The following CD5 variants were observed in gnomAD, a reference collection of about 807,000 sequenced individuals.
CD5 encodes CD5 molecule, also known as T-cell surface glycoprotein CD5.
In CD5, 36 loss-of-function variants were observed where a neutral mutation model predicts 60.3. That is an observed-to-expected ratio of 0.60 (90% CI 0.46 to 0.79). The LOEUF is 0.79. CD5 is among the 30% of genes least tolerant of loss of function. The pLI is 0.00. For missense variants in CD5, 540 were observed against 630.6 expected (o/e 0.86, Z 1.54); for synonymous variants, 230 against 257.6 (o/e 0.89, Z 1.03).
chr11:61,098,017 G>C (rs1860606043), upstream of CD5, among the ~76,000 whole-genome samples: 1 of 152,164 alleles, frequency 6.6e-6, no homozygotes, highest in Non-Finnish European at 1.5e-5. Context: ...ACTAATTGCT[G>C]TCTACACGTA....
upstream of CD5, among the ~76,000 whole-genome samples, chr11:61,100,138 C>T (rs1860644019): frequency 7.7e-6 from 1 of 130,452 alleles, no homozygotes; most frequent in African/African-American, 3.0e-5. Context: ...CACACATCAA[C>T]ATGGAGATCA....
intron 1 of CD5, among the ~76,000 whole-genome samples, chr11:61,103,731 AGTCTGTGTGTGAGTCTGTGTGTGAGT>A (rs1860736061): frequency 8.2e-6 from 1 of 122,514 alleles, no homozygotes; most frequent in African/African-American, 3.3e-5. Context: ...GGAATGTGTG[AGTCTGTGTGTGAGTCTGTGTGTGAGT>A]CTCTGGGCAT....
At chr11:61,098,789 T>C (rs903418274), upstream of CD5, among the ~76,000 whole-genome samples, 10 of 152,176 alleles carry the variant, frequency 6.6e-5, no homozygotes, top group Non-Finnish European at 1.2e-4. Flanking sequence ...ATAAACCCCT[T>C]CTTTCTTTAA....
intron 10 of CD5, among the ~76,000 whole-genome samples, 165 bp from the exon 11 acceptor site, chr11:61,126,123 G>A (rs182696400): frequency 6.6e-6 from 1 of 152,348 alleles, no homozygotes; most frequent in Non-Finnish European, 1.5e-5. Flanking sequence ...CCGTGATGGA[G>A]TCACACCCCT....
rs960055387 is a variant in CD5 at position 61,124,588 on chromosome 11, C to T, written c.1280-444C>T. Among the ~76,000 whole-genome samples, 8 of 152,264 alleles carry T rather than the reference C, an allele frequency of 5.3e-5. No homozygotes were observed. In the East Asian group the frequency reaches 9.6e-4, roughly 18 times the overall value. On this transcript the variant is annotated intron_variant, in intron 8 of 10. Coordinates refer to ENST00000347785, the MANE Select transcript of CD5 (RefSeq NM_014207.4). The stretch of plus-strand genomic sequence containing the variant: ...GAGACATGGCGCTCTTCCTGCCTCC[C>T]ATTCTGCCTTCTTCCCCCTTCCCAA...
At chr11:61,117,668 T>C (rs928648471) in intron 2 of CD5, among the ~76,000 whole-genome samples, 6 of 152,070 alleles carry the variant, frequency 3.9e-5, no homozygotes, top group African/African-American at 1.4e-4. Flanking sequence ...TTTGGTATTT[T>C]TTCTTTTTTT....
chr11:61,115,733 G>A (rs1860930052), intron 2 of CD5, among the ~76,000 whole-genome samples: 2 of 152,222 alleles, frequency 1.3e-5, no homozygotes, highest in Admixed American at 1.3e-4. Context: ...CATTGACTGG[G>A]ATAACATCGT....
chr11:61,111,965 T>C (rs1009996664), intron 1 of CD5, among the ~76,000 whole-genome samples: 1 of 152,186 alleles, frequency 6.6e-6, no homozygotes, highest in Non-Finnish European at 1.5e-5. Context: ...AATCGTGGCT[T>C]GGAGGCACAG....
At chr11:61,101,909 TCTACAC>T (rs751607086), upstream of CD5, among the ~76,000 whole-genome samples, 428 of 131,098 alleles carry the variant, frequency 3.3e-3, 1 homozygote, top group Non-Finnish European at 4.8e-3. Flanking sequence ...TCTCTCTCTC[TCTACAC>T]ACACACACAC....
Position 61,119,380 on chromosome 11 carries a change from C to A in CD5, c.610C>A (p.Leu204Ile). Residue 204 changes from leucine to isoleucine, a missense_variant, in exon 5 of 11, where the codon CTC (leucine) becomes ATC (isoleucine). By Grantham distance (5) the Leu-to-Ile change is conservative. Transcript: ENST00000347785. ...QDLENFLCNN[L>I]QCGSFLKHLP... Reference sequence around the variant, plus strand: ...CCTGGAGAACTTCCTCTGCAACAACCTCCAGTGTGGCTCCTTCTTGAAGCA... The same window carrying A: ...CCTGGAGAACTTCCTCTGCAACAACATCCAGTGTGGCTCCTTCTTGAAGCA... 1 of 1,614,226 alleles carries A rather than the reference C, an allele frequency of 6.2e-7. No individual in the cohort carries two copies. Among genetic ancestry groups the A allele is most frequent in the African/African-American group, 1.3e-5 (1 of 75,068 alleles).
At chr11:61,114,816 G>A (rs999431752) in intron 1 of CD5, among the ~76,000 whole-genome samples, 9 of 151,958 alleles carry the variant, frequency 5.9e-5, no homozygotes, top group African/African-American at 2.2e-4. Flanking sequence ...TTTCACGTCT[G>A]TTCATTTTAA....
intron 5 of CD5, among the ~76,000 whole-genome samples, chr11:61,120,706 T>C (rs1861044981): frequency 6.6e-6 from 1 of 152,190 alleles, no homozygotes; most frequent in Non-Finnish European, 1.5e-5. Flanking sequence ...CTGGCTGTCC[T>C]GCAAGCACGC....
chr11:61,103,665 CTG>C (rs924728754), intron 1 of CD5, among the ~76,000 whole-genome samples: 4 of 137,930 alleles, frequency 2.9e-5, no homozygotes, highest in Admixed American at 1.4e-4. Context: ...ATGTGTGACT[CTG>C]TGTGTGAGTC....
At chr11:61,099,409 T>TCACACACACATCAACATGGAGATTA (rs111843769), upstream of CD5, among the ~76,000 whole-genome samples, 2 of 128,268 alleles carry the variant, frequency 1.6e-5, no homozygotes. Flanking sequence ...AACATGGAAA[T>TCACACACACATCAACATGGAGATTA]CACACACATC....
chr11:61,095,512 A>G, the CD5 span, among the ~76,000 whole-genome samples: 1 of 152,224 alleles, frequency 6.6e-6, no homozygotes, highest in Non-Finnish European at 1.5e-5. Flanking sequence ...GCTGACTGCC[A>G]CCAGCTGCTC....
At chr11:61,096,128 G>A in the CD5 span, among the ~76,000 whole-genome samples, 416 of 152,346 alleles carry the variant, frequency 2.7e-3, 1 homozygote, top group Non-Finnish European at 4.3e-3. Flanking sequence ...GAATTCCCCC[G>A]AAAGGAGAGG....
chr11:61,104,742 A>T (rs1860754291), intron 1 of CD5, among the ~76,000 whole-genome samples: 1 of 152,234 alleles, frequency 6.6e-6, no homozygotes, highest in Non-Finnish European at 1.5e-5. Flanking sequence ...CAAGCTTCAC[A>T]ACAGCCAATG....
At position 61,118,891 on chromosome 11, in the gene CD5, C is replaced by G. The variant is rs745706498; in HGVS notation, c.401-24C>G. On this transcript the variant is annotated intron_variant, in intron 3 of 10. Coordinates refer to ENST00000347785, the MANE Select transcript of CD5 (RefSeq NM_014207.4). The surrounding 1 kb of genome is among the most constrained non-coding windows in gnomAD (Gnocchi z 4.7). ...GCCCTCCCCACACCACCCATTCCTC[C>G]CTCACCAGAGTGTCTCATTGCAGAA... The G allele has an allele frequency of 1.2e-6, 2 of 1,604,084 alleles. No homozygotes were observed. The highest frequency in any genetic ancestry group is 2.2e-5 in the South Asian group (2 of 90,810).
chr11:61,094,233 C>T, the CD5 span, among the ~76,000 whole-genome samples: 1 of 152,036 alleles, frequency 6.6e-6, no homozygotes, highest in African/African-American at 2.4e-5. Flanking sequence ...CAGAGCAGTG[C>T]ATGGCAGGCC....
Sources: allele counts gnomAD v4.1 joint callset (sites outside exome capture counted in the v4.1 genomes callset), GRCh38; gene constraint gnomAD v4.1.1; non-coding constraint Gnocchi (gnomAD v3.1); transcripts MANE v1.5; gene names NCBI Gene and HGNC (gene_info 2026-07-23, HGNC 2026-07-21).